Variants in STK32B observed in about 807,000 individuals in gnomAD.
STK32B encodes the protein serine/threonine kinase 32B, also known as serine/threonine-protein kinase 32B.
Under a neutral mutation model 52.6 loss-of-function variants are expected in STK32B, and 43 were observed. The observed-to-expected ratio is 0.82, with a 90% CI of 0.64 to 1.05. The LOEUF is 1.05. Ranked by LOEUF, STK32B falls within the 50% of genes least tolerant of loss-of-function variation. STK32B has a pLI of 0.00. For missense variants in STK32B, 621 were observed against 534.6 expected, an observed-to-expected ratio of 1.16 and a Z score of -1.59; for synonymous variants, 238 against 204.3, an observed-to-expected ratio of 1.17 and a Z score of -1.41.
chr4:5,332,835 T>A (rs1442198372), intron 4 of STK32B, among the ~76,000 whole-genome samples: 1 of 152,240 alleles, frequency 6.6e-6, no homozygotes, highest in Non-Finnish European at 1.5e-5. Context: ...TCATCATTTT[T>A]TATGGCTGCA....
At chr4:5,067,643 T>G (rs994839258) in intron 1 of STK32B, among the ~76,000 whole-genome samples, 1 of 152,164 alleles carries the variant, frequency 6.6e-6, no homozygotes, top group Non-Finnish European at 1.5e-5. Flanking sequence ...ATTTTTATTT[T>G]TATTTCAATA....
At chr4:5,258,315 G>A in intron 3 of STK32B, among the ~76,000 whole-genome samples, 1 of 152,156 alleles carries the variant, frequency 6.6e-6, no homozygotes, top group East Asian at 1.9e-4. Flanking sequence ...ACATTGGGGT[G>A]ATAATATTTT....
intron 1 of STK32B, among the ~76,000 whole-genome samples, chr4:5,122,050 G>C (rs560961920): frequency 2.0e-5 from 3 of 150,864 alleles, no homozygotes; most frequent in Non-Finnish European, 4.4e-5. Context: ...TCATTCACTC[G>C]CTCATTCATT....
chr4:5,128,654 C>A (rs1347046974), intron 1 of STK32B, among the ~76,000 whole-genome samples: 2 of 152,222 alleles, frequency 1.3e-5, no homozygotes, highest in Non-Finnish European at 2.9e-5. Flanking sequence ...TACTGGCTGT[C>A]TACTTCGTAC....
At chr4:5,402,798 A>G (rs1737395740) in intron 5 of STK32B, among the ~76,000 whole-genome samples, 1 of 152,190 alleles carries the variant, frequency 6.6e-6, no homozygotes, top group Non-Finnish European at 1.5e-5. Flanking sequence ...CAAGGCCAGG[A>G]CAGAGCAAGC....
At chr4:5,286,282 C>G (rs1298005875) in intron 3 of STK32B, among the ~76,000 whole-genome samples, 1 of 152,168 alleles carries the variant, frequency 6.6e-6, no homozygotes, top group Non-Finnish European at 1.5e-5. Flanking sequence ...TTCTCAATAA[C>G]TAACAAGTCA....
chr4:5,111,116 A>G (rs1274873088), intron 1 of STK32B, among the ~76,000 whole-genome samples: 2 of 152,142 alleles, frequency 1.3e-5, no homozygotes, highest in Non-Finnish European at 2.9e-5. Flanking sequence ...AAAACAACAG[A>G]TGTTGATGTG....
intron 3 of STK32B, among the ~76,000 whole-genome samples, chr4:5,279,822 G>A (rs1005724813): frequency 9.2e-5 from 14 of 152,180 alleles, no homozygotes; most frequent in African/African-American, 3.4e-4. Flanking sequence ...ACCCTCTGAA[G>A]CAACAGCCCA....
chr4:5,479,695 TC>T (rs1367070028), intron 11 of STK32B, among the ~76,000 whole-genome samples: 2 of 152,210 alleles, frequency 1.3e-5, no homozygotes, highest in African/African-American at 4.8e-5. Context: ...GAGAAGGGAT[TC>T]TTGCAGGGTA....
At chr4:5,126,602 A>C (rs1283925217) in intron 1 of STK32B, among the ~76,000 whole-genome samples, 2 of 152,264 alleles carry the variant, frequency 1.3e-5, no homozygotes, top group Non-Finnish European at 2.9e-5. Flanking sequence ...TTTTGGAAAC[A>C]TCATTTTGTC....
At chr4:5,491,386 G>A (rs1010449886) in intron 11 of STK32B, among the ~76,000 whole-genome samples, 3 of 152,202 alleles carry the variant, frequency 2.0e-5, no homozygotes, top group African/African-American at 4.8e-5. Flanking sequence ...CTTTTGAGAA[G>A]TGTCTGTTCA....
intron 4 of STK32B, among the ~76,000 whole-genome samples, chr4:5,367,121 G>C (rs1055834404): frequency 6.6e-6 from 1 of 152,070 alleles, no homozygotes. Flanking sequence ...TTTTCTCCTG[G>C]AAAGAATTCA....
chr4:5,138,844 G>A (rs1716233822), intron 1 of STK32B, among the ~76,000 whole-genome samples: 1 of 152,238 alleles, frequency 6.6e-6, no homozygotes, highest in African/African-American at 2.4e-5. Context: ...AGGCCTGGGA[G>A]TAGCTGCTCT....
chr4:5,313,196 G>T (rs1730429692), intron 3 of STK32B, among the ~76,000 whole-genome samples: 1 of 151,484 alleles, frequency 6.6e-6, no homozygotes, highest in African/African-American at 2.4e-5. Flanking sequence ...ACAACAAATT[G>T]AGATTCACTA....
At chr4:5,053,672 T>C (rs993143909) in intron 1 of STK32B, among the ~76,000 whole-genome samples, 6 of 152,146 alleles carry the variant, frequency 3.9e-5, no homozygotes, top group Non-Finnish European at 2.9e-5. Context: ...ACTGCCTGTT[T>C]CGGTGCTTGT....
intron 1 of STK32B, among the ~76,000 whole-genome samples, chr4:5,095,359 A>T (rs556909855): frequency 6.6e-6 from 1 of 152,350 alleles, no homozygotes; most frequent in African/African-American, 2.4e-5. Context: ...TTACACCTGT[A>T]ATCCCACCAC....
At chr4:5,130,184 G>A (rs1715667664) in intron 1 of STK32B, among the ~76,000 whole-genome samples, 1 of 151,444 alleles carries the variant, frequency 6.6e-6, no homozygotes, top group Non-Finnish European at 1.5e-5. Flanking sequence ...GGGGAGGCCT[G>A]GGGGATGGGA....
At chr4:5,377,113 A>T (rs1735636055) in intron 4 of STK32B, among the ~76,000 whole-genome samples, 1 of 152,038 alleles carries the variant, frequency 6.6e-6, no homozygotes, top group African/African-American at 2.4e-5. Flanking sequence ...TGCTCTATCT[A>T]TGGCCAAAGG....
chr4:5,270,232 C>G (rs903908461), intron 3 of STK32B, among the ~76,000 whole-genome samples: 1 of 152,116 alleles, frequency 6.6e-6, no homozygotes, highest in Non-Finnish European at 1.5e-5. Context: ...TGAGGTCCCA[C>G]AATAGTCCAT....
Sources: allele counts gnomAD v4.1 joint callset (sites outside exome capture counted in the v4.1 genomes callset), GRCh38; gene constraint gnomAD v4.1.1; transcripts MANE v1.5; gene names NCBI Gene and HGNC (gene_info 2026-07-23, HGNC 2026-07-21).